PPM1L: variants seen among roughly 807,000 people sequenced by gnomAD.
PPM1L encodes the protein protein phosphatase, Mg2+/Mn2+ dependent 1L.
PPM1L carries 13 observed loss-of-function variants against 31.4 expected under a neutral mutation model. The observed-to-expected ratio is 0.41, with a 90% confidence interval of 0.27 to 0.66. PPM1L has a LOEUF of 0.66. PPM1L is among the 30% of genes least tolerant of loss of function. PPM1L has a pLI of 0.29. For missense variants in PPM1L, 326 were observed against 453.7 expected, an observed-to-expected ratio of 0.72 and a Z score of 2.56; for synonymous variants, 184 against 175.4, an observed-to-expected ratio of 1.05 and a Z score of -0.39.
intron 1 of PPM1L, among the ~76,000 whole-genome samples, chr3:160,831,664 G>A (rs1477878033): frequency 1.3e-5 from 2 of 152,126 alleles, no homozygotes; most frequent in Admixed American, 1.3e-4. Flanking sequence ...CTGTTAGGCC[G>A]TCTTCTAGAG....
chr3:160,951,270 A>G (rs1266181743), intron 1 of PPM1L, among the ~76,000 whole-genome samples: 2 of 152,232 alleles, frequency 1.3e-5, no homozygotes, highest in Admixed American at 1.3e-4. Context: ...AAACTAGTAC[A>G]AACTATTCCC....
Position 160,791,341 on chromosome 3 carries a change from G to A in PPM1L, c.399+34634G>A, listed in dbSNP as rs564316251. On this transcript the variant is annotated intron_variant, in intron 1 of 3. Transcript: ENST00000498165. ...AGTCTCTGTTTCTCATCTGAAAATAGTAAGTAGGGATAATAATATATCCTT... is the reference window on the plus strand; with the variant it reads ...AGTCTCTGTTTCTCATCTGAAAATAATAAGTAGGGATAATAATATATCCTT... Among the ~76,000 whole-genome samples, 14 of 152,254 alleles carry A rather than the reference G, an allele frequency of 9.2e-5. No individual in the cohort carries two copies. The South Asian group carries it at 2.7e-3, about 29-fold the overall frequency.
At chr3:160,852,272 A>G (rs1391861479) in intron 1 of PPM1L, among the ~76,000 whole-genome samples, 1 of 152,184 alleles carries the variant, frequency 6.6e-6, no homozygotes, top group Admixed American at 6.5e-5. Context: ...AGGACAATTC[A>G]GTTTTTCTTG....
intron 1 of PPM1L, among the ~76,000 whole-genome samples, chr3:160,852,416 A>G (rs943576492): frequency 6.6e-6 from 1 of 152,208 alleles, no homozygotes; most frequent in Admixed American, 6.5e-5. Flanking sequence ...TTTGACAGAG[A>G]TAGTTTATTA....
At chr3:160,854,143 A>G (rs1711605356) in intron 1 of PPM1L, among the ~76,000 whole-genome samples, 1 of 152,128 alleles carries the variant, frequency 6.6e-6, no homozygotes, top group South Asian at 2.1e-4. Flanking sequence ...TTTACATATA[A>G]ATTACTTAGG....
intron 1 of PPM1L, among the ~76,000 whole-genome samples, chr3:160,768,375 C>A (rs1210299540): frequency 6.6e-6 from 1 of 152,132 alleles, no homozygotes; most frequent in Non-Finnish European, 1.5e-5. Flanking sequence ...CTAGGTCCCT[C>A]TGGTTTAAGA....
At chr3:160,860,563 C>T (rs1711852159) in intron 1 of PPM1L, among the ~76,000 whole-genome samples, 1 of 152,124 alleles carries the variant, frequency 6.6e-6, no homozygotes, top group South Asian at 2.1e-4. Flanking sequence ...CAGGAAATTG[C>T]AGATTTAGGA....
At chr3:160,980,493 A>G (rs34462546) in intron 2 of PPM1L, among the ~76,000 whole-genome samples, 1 of 151,384 alleles carries the variant, frequency 6.6e-6, no homozygotes, top group Non-Finnish European at 1.5e-5. Context: ...CCTGGGCAAC[A>G]TGGCAAAACC....
chr3:160,808,408 T>TGCGC (rs1553808353), intron 1 of PPM1L, among the ~76,000 whole-genome samples: 1 of 135,550 alleles, frequency 7.4e-6, no homozygotes, highest in Admixed American at 7.3e-5. Flanking sequence ...TGTGTGTGTG[T>TGCGC]GTGTGTGTGT....
At chr3:161,032,866 ATTT>A (rs61145165) in intron 2 of PPM1L, among the ~76,000 whole-genome samples, 36,740 of 107,138 alleles carry the variant, frequency 0.34, 5,519 homozygotes, top group East Asian at 0.53. Flanking sequence ...CTAATTTTGT[ATTT>A]TTTTTTTTTT....
intron 1 of PPM1L, among the ~76,000 whole-genome samples, chr3:160,759,822 T>C (rs746632504): frequency 1.3e-5 from 2 of 152,228 alleles, no homozygotes; most frequent in African/African-American, 2.4e-5. Flanking sequence ...TGTGCTCTGC[T>C]TTATTCTAGC....
intron 2 of PPM1L, among the ~76,000 whole-genome samples, chr3:160,969,922 T>G (rs1716268610): frequency 6.6e-6 from 1 of 152,232 alleles, no homozygotes; most frequent in South Asian, 2.1e-4. Flanking sequence ...AAAGATAATC[T>G]TTAATTCTAC....
chr3:160,819,775 G>A (rs1273495499), intron 1 of PPM1L, among the ~76,000 whole-genome samples: 3 of 151,976 alleles, frequency 2.0e-5, no homozygotes, highest in African/African-American at 7.2e-5. Flanking sequence ...ATCCATGGGG[G>A]AAGGGAGAGT....
chr3:160,997,812 A>G (rs1273017215), intron 2 of PPM1L, among the ~76,000 whole-genome samples: 1 of 152,170 alleles, frequency 6.6e-6, no homozygotes, highest in African/African-American at 2.4e-5. Context: ...TTCGCATTTT[A>G]TAAATTTCCT....
chr3:160,823,790 T>A (rs149921736), intron 1 of PPM1L, among the ~76,000 whole-genome samples: 7 of 152,226 alleles, frequency 4.6e-5, no homozygotes, highest in Non-Finnish European at 1.0e-4. Flanking sequence ...AGAAAGATAA[T>A]GTAATTTGTT....
chr3:160,766,172 A>G (rs1344535768), intron 1 of PPM1L, among the ~76,000 whole-genome samples: 1 of 152,192 alleles, frequency 6.6e-6, no homozygotes, highest in Non-Finnish European at 1.5e-5. Context: ...AAAAGTACAG[A>G]GCATTTTTAT....
At chr3:160,861,161 A>G (rs911041339) in intron 1 of PPM1L, among the ~76,000 whole-genome samples, 1 of 152,184 alleles carries the variant, frequency 6.6e-6, no homozygotes, top group African/African-American at 2.4e-5. Flanking sequence ...TGCTGACTCC[A>G]AGGCCAGTAT....
At chr3:160,862,672 A>ACG (rs1343486485) in intron 1 of PPM1L, among the ~76,000 whole-genome samples, 3 of 140,698 alleles carry the variant, frequency 2.1e-5, no homozygotes, top group Non-Finnish European at 1.5e-5. Flanking sequence ...GCACACACAC[A>ACG]CACACACACA....
chr3:160,942,120 A>G (rs1715182608), intron 1 of PPM1L, among the ~76,000 whole-genome samples: 2 of 152,222 alleles, frequency 1.3e-5, no homozygotes, highest in African/African-American at 4.8e-5. Context: ...CTACAGATGC[A>G]TGCTTCACCA....
Sources: allele counts gnomAD v4.1 joint callset (sites outside exome capture counted in the v4.1 genomes callset), GRCh38; gene constraint gnomAD v4.1.1; transcripts MANE v1.5; gene names NCBI Gene and HGNC (gene_info 2026-07-23, HGNC 2026-07-21).